Variants in RNF150 observed in about 807,000 individuals in gnomAD.
RNF150 encodes the protein ring finger protein 150.
RNF150 carries 24 observed loss-of-function variants against 39.3 expected under a neutral mutation model. The observed-to-expected ratio is 0.61, with a 90% CI of 0.44 to 0.86. RNF150 has a LOEUF of 0.86. Among genes scored for constraint, RNF150 ranks in the 40% least tolerant of loss-of-function variants. The pLI is 0.00. For synonymous variants in RNF150, 255 were observed against 227.3 expected (o/e 1.12, Z -1.10); for missense variants, 502 against 587.8 (o/e 0.85, Z 1.51).
intron 1 of RNF150, among the ~76,000 whole-genome samples, chr4:141,035,084 T>G (rs1736091100): frequency 6.6e-6 from 1 of 152,226 alleles, no homozygotes; most frequent in Non-Finnish European, 1.5e-5. Flanking sequence ...TTACAGTATC[T>G]TTCCCTTTAC....
At chr4:141,147,278 A>T (rs1162130537) in intron 1 of RNF150, among the ~76,000 whole-genome samples, 1 of 152,190 alleles carries the variant, frequency 6.6e-6, no homozygotes. Flanking sequence ...TCCAGTAAGG[A>T]TGTTCCTGCT....
chr4:140,889,915 G>T (rs1729699826), intron 6 of RNF150, among the ~76,000 whole-genome samples: 1 of 152,140 alleles, frequency 6.6e-6, no homozygotes, highest in South Asian at 2.1e-4. Flanking sequence ...ATAGAAAGGA[G>T]GATCTGAATT....
At chr4:141,182,143 A>G (rs1727918473) in intron 1 of RNF150, among the ~76,000 whole-genome samples, 1 of 150,100 alleles carries the variant, frequency 6.7e-6, no homozygotes, top group Non-Finnish European at 1.5e-5. Context: ...TTCATGCTAA[A>G]AACTCTCAAT....
chr4:141,177,383 C>T (rs1316866917), intron 1 of RNF150, among the ~76,000 whole-genome samples: 2 of 152,162 alleles, frequency 1.3e-5, no homozygotes, highest in African/African-American at 4.8e-5. Flanking sequence ...GCCAGAATTA[C>T]ACATTAGGTA....
At chr4:140,942,170 A>G (rs1007919070) in intron 4 of RNF150, among the ~76,000 whole-genome samples, 1 of 152,176 alleles carries the variant, frequency 6.6e-6, no homozygotes, top group African/African-American at 2.4e-5. Context: ...TTTACCAAAA[A>G]AAACCAAAAA....
chr4:141,013,878 C>T (rs1452889446), intron 1 of RNF150, among the ~76,000 whole-genome samples: 2 of 152,092 alleles, frequency 1.3e-5, no homozygotes, highest in Non-Finnish European at 2.9e-5. Context: ...ATATATAAGA[C>T]ATTATTAATG....
At chr4:141,136,041 T>G (rs1487172880), upstream of RNF150, among the ~76,000 whole-genome samples, 2 of 152,200 alleles carry the variant, frequency 1.3e-5, no homozygotes, top group Non-Finnish European at 2.9e-5. Context: ...TTTATATTCT[T>G]TAAAACTCTT....
chr4:141,131,307 G>A (rs1389124289), intron 1 of RNF150, among the ~76,000 whole-genome samples: 6 of 152,314 alleles, frequency 3.9e-5, no homozygotes, highest in Admixed American at 3.9e-4. Context: ...CCCTCCTTCC[G>A]GGCACTGGAT....
At chr4:140,987,354 C>G (rs184207328) in intron 1 of RNF150, among the ~76,000 whole-genome samples, 1 of 151,910 alleles carries the variant, frequency 6.6e-6, no homozygotes, top group Non-Finnish European at 1.5e-5. Flanking sequence ...TCACATTACA[C>G]GACTTCAAGC....
At chr4:141,092,300 G>A (rs529795713) in intron 1 of RNF150, among the ~76,000 whole-genome samples, 12 of 151,030 alleles carry the variant, frequency 7.9e-5, no homozygotes, top group African/African-American at 1.9e-4. Flanking sequence ...CTGAGATTGC[G>A]CCACTGCACT....
At chr4:141,016,452 A>T (rs1476729524) in intron 1 of RNF150, among the ~76,000 whole-genome samples, 2 of 110,604 alleles carry the variant, frequency 1.8e-5, no homozygotes, top group African/African-American at 2.7e-5. Flanking sequence ...AGCAGGTATA[A>T]ATATGACTGC....
intron 1 of RNF150, among the ~76,000 whole-genome samples, chr4:141,124,153 G>A (rs1726689302): frequency 1.3e-5 from 2 of 152,184 alleles, no homozygotes; most frequent in African/African-American, 4.8e-5. Context: ...TGCTGCTTAT[G>A]CAGAGTACTT....
At chr4:140,898,802 A>C (rs1730056434) in intron 6 of RNF150, among the ~76,000 whole-genome samples, 1 of 152,170 alleles carries the variant, frequency 6.6e-6, no homozygotes, top group Admixed American at 6.5e-5. Flanking sequence ...TGGCAGTACT[A>C]TTATGGGATT....
chr4:141,203,610 T>G (rs1728324460), intron 1 of RNF150, among the ~76,000 whole-genome samples: 1 of 151,994 alleles, frequency 6.6e-6, no homozygotes, highest in Admixed American at 6.6e-5. Flanking sequence ...ATTCTCAACC[T>G]TCCTGTAATT....
intron 6 of RNF150, among the ~76,000 whole-genome samples, chr4:140,902,763 G>A (rs115626474): frequency 0.016 from 2,365 of 152,290 alleles, 71 homozygotes; most frequent in African/African-American, 0.053. Flanking sequence ...GGTCCGCTGC[G>A]TATAGGAATC....
intron 1 of RNF150, among the ~76,000 whole-genome samples, chr4:141,052,930 T>A (rs1399968497): frequency 6.6e-6 from 1 of 152,182 alleles, no homozygotes; most frequent in African/African-American, 2.4e-5. Flanking sequence ...ATTTGGTGGA[T>A]CATTTTTGAG....
At chr4:140,869,914 G>A (rs537546312) in intron 6 of RNF150, among the ~76,000 whole-genome samples, 1 of 152,100 alleles carries the variant, frequency 6.6e-6, no homozygotes, top group East Asian at 1.9e-4. Flanking sequence ...AAAAGGTCTT[G>A]TACTTTCTCT....
At chr4:141,137,072 T>G (rs1159867822), upstream of RNF150, among the ~76,000 whole-genome samples, 1 of 152,224 alleles carries the variant, frequency 6.6e-6, no homozygotes, top group East Asian at 1.9e-4. Flanking sequence ...GTATTTGATA[T>G]GCAGAAAAAC....
At chr4:140,921,295 G>C (rs1442945331) in intron 5 of RNF150, among the ~76,000 whole-genome samples, 1 of 151,474 alleles carries the variant, frequency 6.6e-6, no homozygotes, top group Non-Finnish European at 1.5e-5. Flanking sequence ...TATCACCACC[G>C]ATCCCACAGA....
Sources: gnomAD v4.1 joint callset for allele counts (sites outside exome capture counted in the v4.1 genomes callset) on GRCh38, gnomAD v4.1.1 for gene constraint, MANE v1.5 for transcripts, NCBI Gene and HGNC (gene_info 2026-07-23, HGNC 2026-07-21) for gene names.